Variants in SF3B3 observed in about 807,000 individuals in gnomAD.
SF3B3 encodes splicing factor 3b subunit 3.
A neutral mutation model predicts 139.2 loss-of-function variants in SF3B3; 33 were observed. That is an observed-to-expected ratio of 0.24 (90% CI 0.18 to 0.32). The LOEUF (loss-of-function observed/expected upper bound fraction) is 0.32. Among genes scored for constraint, SF3B3 ranks in the 10% least tolerant of loss-of-function variants. The pLI is 1.00. For missense variants in SF3B3, 818 were observed against 1,509.4 expected (o/e 0.54, Z 7.59); for synonymous variants, 596 against 563.6 (o/e 1.06, Z -0.81).
At chr16:70,557,415 T>G (rs2050388982) in intron 15 of SF3B3, among the ~76,000 whole-genome samples, 1 of 152,232 alleles carries the variant, frequency 6.6e-6, no homozygotes, top group Admixed American at 6.5e-5. Flanking sequence ...TCAAAGTTGC[T>G]GAGCTCTTTG....
At chr16:70,564,160 C>T (rs1260678159) in intron 18 of SF3B3, 110 bp downstream of exon 18, 3 of 1,128,190 alleles carry the variant, frequency 2.7e-6, no homozygotes, top group African/African-American at 3.1e-5. Context: ...TGCTTGAGGC[C>T]ACTAGTTCGA....
intron 24 of SF3B3, 79 bp from the exon 25 acceptor site, chr16:70,571,016 G>A: frequency 1.1e-6 from 1 of 920,792 alleles, no homozygotes; most frequent in South Asian, 1.3e-5. Flanking sequence ...TGAATGGCTT[G>A]TCTGTTCGTT....
At chr16:70,530,963 G>T (rs76899539) in intron 4 of SF3B3, 46 bp downstream of exon 4, 8 of 1,511,762 alleles carry the variant, frequency 5.3e-6, no homozygotes, top group Non-Finnish European at 7.2e-6. Flanking sequence ...TCACCTCAGT[G>T]TTTTTTTTTA....
chr16:70,566,989 A>G (rs1001705087), intron 20 of SF3B3, among the ~76,000 whole-genome samples: 2 of 151,858 alleles, frequency 1.3e-5, no homozygotes, highest in African/African-American at 2.4e-5. Flanking sequence ...AGTCCAGGCT[A>G]TAGTGAGCCA....
chr16:70,561,794 T>C lies in SF3B3; in HGVS notation c.2288+10T>C. The C allele has an allele frequency of 6.2e-7, 1 of 1,611,862 alleles. No individual in the cohort carries two copies. Among genetic ancestry groups the C allele is most frequent in the Non-Finnish European group, 8.5e-7 (1 of 1,178,202 alleles). ...CCACCAACACCCTACGGTGAGTGAG[T>C]CTCATGTTTGAAGCTCAGCAGGAAG... On this transcript the variant is annotated intron_variant, in intron 17 of 25. Coordinates refer to ENST00000302516, the MANE Select transcript of SF3B3 (RefSeq NM_012426.5).
At position 70,573,971 on chromosome 16, in the gene SF3B3, G is replaced by A. The variant is rs1567428831; in HGVS notation, c.*2158G>A. 6.6e-6 allele frequency: 1 copy of A among 152,132 alleles called. No homozygotes were observed. Among genetic ancestry groups the A allele is most frequent in the African/African-American group, 2.4e-5 (1 of 41,422 alleles). The allele number at this position is 152,132 out of a possible 1,614,324, so 9.4% of individuals were successfully genotyped here. A position where few individuals can be genotyped will look rare whatever the true frequency, so the allele number is the denominator to read the frequency against. ...GGAGGGGGGTTCTAGTTGGAATGTT[G>A]CTTTTCTTGGTTAGTGTAAATGTAT... is the stretch of plus-strand genomic sequence containing the variant. On this transcript the variant is annotated 3_prime_UTR_variant, in exon 26 of 26. Coordinates refer to ENST00000302516, the MANE Select transcript of SF3B3 (RefSeq NM_012426.5).
At chr16:70,529,247 A>AT in intron 3 of SF3B3, 48 bp downstream of exon 3, 1 of 1,483,164 alleles carries the variant, frequency 6.7e-7, no homozygotes, top group Non-Finnish European at 9.3e-7. Flanking sequence ...TAGGATAACA[A>AT]TGCTGTGCTC....
chr16:70,574,907 T>C lies in SF3B3; in HGVS notation c.*3094T>C, dbSNP rs1481411024. ...TTTTATTACACCCTTAAAATTAATTTTCAAGGGCTATATGTAGAGCTCAGA... is the reference window on the plus strand; with the variant it reads ...TTTTATTACACCCTTAAAATTAATTCTCAAGGGCTATATGTAGAGCTCAGA... On this transcript the variant is annotated 3_prime_UTR_variant, in exon 26 of 26. Transcript: ENST00000302516. 6.6e-6 allele frequency: 1 copy of C among 152,220 alleles called. No individual in the cohort carries two copies. Among genetic ancestry groups the C allele is most frequent in the African/African-American group, 2.4e-5 (1 of 41,454 alleles). The allele number at this position is 152,220 out of a possible 1,614,324, so 9.4% of individuals were successfully genotyped here.
In SF3B3 at chr16:70,571,125, C is replaced by A; in HGVS notation, c.3439C>A (p.His1147Asn). 1.2e-6 allele frequency: 2 copies of A among 1,614,088 alleles called. No homozygotes were observed. The highest frequency in any genetic ancestry group is 1.7e-6 in the Non-Finnish European group (2 of 1,179,956). ...TGACTTCTTCCAGCATGTGGAAATGCACCTGCGGTCTGAACATCCCCCTCT... is the reference window on the plus strand; with the variant it reads ...TGACTTCTTCCAGCATGTGGAAATGAACCTGCGGTCTGAACATCCCCCTCT... ...DHDFFQHVEMHLRSEHPPLCG... is the reference protein window; with the variant it reads ...DHDFFQHVEMNLRSEHPPLCG... The change falls in exon 25 of 26, where the codon CAC (histidine) becomes AAC (asparagine). Residue 1147 changes from histidine to asparagine, a missense_variant. This residue lies in a region of SF3B3 where 44 missense variants were observed against 40.4 expected (regional missense o/e 1.09). Coordinates refer to ENST00000302516, the MANE Select transcript of SF3B3 (RefSeq NM_012426.5).
intron 11 of SF3B3, among the ~76,000 whole-genome samples, chr16:70,551,476 A>G (rs376721992): frequency 2.0e-5 from 3 of 151,972 alleles, no homozygotes; most frequent in Non-Finnish European, 2.9e-5. Context: ...GCTGAGGTGG[A>G]TGGATCACCT....
At chr16:70,526,925 T>A (rs2050069877) in intron 2 of SF3B3, 199 bp downstream of exon 2, 1 of 596,856 alleles carries the variant, frequency 1.7e-6, no homozygotes, top group African/African-American at 1.9e-5. Context: ...GTTCACAAAT[T>A]GTGTAATGAT....
At chr16:70,526,928 G>A (rs2050069907) in intron 2 of SF3B3, 1 of 595,250 alleles carries the variant, frequency 1.7e-6, no homozygotes, top group South Asian at 2.1e-5. Flanking sequence ...CACAAATTGT[G>A]TAATGATTCT....
intron 15 of SF3B3, among the ~76,000 whole-genome samples, chr16:70,559,330 A>G (rs2050406825): frequency 6.6e-6 from 1 of 152,170 alleles, no homozygotes; most frequent in Non-Finnish European, 1.5e-5. Flanking sequence ...TTTCAGAGTA[A>G]GGAGTGAGGG....
chr16:70,533,092 A>G (rs529578340), intron 5 of SF3B3, among the ~76,000 whole-genome samples: 3 of 152,242 alleles, frequency 2.0e-5, no homozygotes, highest in Admixed American at 1.3e-4. Flanking sequence ...CGTTAGAGAA[A>G]TTGAAGCAGT....
chr16:70,570,623 G>A (rs114972136), intron 24 of SF3B3, among the ~76,000 whole-genome samples: 4,799 of 152,164 alleles, frequency 0.032, 282 homozygotes, highest in African/African-American at 0.11. Flanking sequence ...AGCCACCCGC[G>A]CCCGGCCAGG....
intron 10 of SF3B3, among the ~76,000 whole-genome samples, chr16:70,547,104 A>G (rs1476744893): frequency 6.6e-6 from 1 of 152,186 alleles, no homozygotes; most frequent in Admixed American, 6.5e-5. Flanking sequence ...CTTGTTGTCT[A>G]ACTAGATTGT....
In SF3B3 at chr16:70,538,037, A is replaced by G. The variant is rs749152472; in HGVS notation, c.826-286A>G. 1.2e-5 allele frequency: 7 copies of G among 602,994 alleles called. No homozygotes were observed. The East Asian group carries it at 1.5e-4, about 13-fold the overall frequency. 37.4% of individuals were successfully genotyped at this position (602,994 alleles called of 1,614,324 possible). A position where few individuals can be genotyped will look rare whatever the true frequency, so the allele number is the denominator to read the frequency against. On this transcript the variant is annotated intron_variant, in intron 6 of 25. Transcript: ENST00000302516. The stretch of plus-strand genomic sequence containing the variant: ...AAATGATGACTCTTTAAAAAATTTC[A>G]TGTCTCTTCTCTGACATTTTTCTCT...
In SF3B3 at chr16:70,563,264, G is replaced by A. The variant is rs886430999; in HGVS notation, c.2289-612G>A. Reference sequence around the variant, plus strand: ...AGATTACAGGCGTGAGCCACCACACGCAGCCCCTATCTTTTTTAATGTAGA... The same window carrying A: ...AGATTACAGGCGTGAGCCACCACACACAGCCCCTATCTTTTTTAATGTAGA... On this transcript the variant is annotated intron_variant, in intron 17 of 25. Transcript: ENST00000302516. Among the ~76,000 whole-genome samples, 136 of 152,130 alleles carry A rather than the reference G, an allele frequency of 8.9e-4. 1 individual carries two copies. The highest frequency in any genetic ancestry group is 2.1e-4 in the South Asian group (1 of 4,830).
At chr16:70,538,995 T>G in intron 7 of SF3B3, 109 bp from the exon 8 acceptor site, 1 of 819,552 alleles carries the variant, frequency 1.2e-6, no homozygotes, top group Non-Finnish European at 2.1e-6. Context: ...TGTTGACCCC[T>G]GGTCAGATAT....
Sources: gnomAD v4.1 joint callset for allele counts (sites outside exome capture counted in the v4.1 genomes callset) on GRCh38, gnomAD v4.1.1 for gene constraint, gnomAD v4.1.1 regional missense constraint, MANE v1.5 for transcripts, NCBI Gene and HGNC (gene_info 2026-07-23, HGNC 2026-07-21) for gene names.